DLG2: variants seen among roughly 807,000 people sequenced by gnomAD.
DLG2 encodes the protein disks large homolog 2.
Under a neutral mutation model 132.5 loss-of-function variants are expected in DLG2, and 45 were observed. The observed-to-expected ratio is 0.34, with a 90% CI of 0.27 to 0.44. The LOEUF (loss-of-function observed/expected upper bound fraction) is 0.44. Among genes scored for constraint, DLG2 ranks in the 20% least tolerant of loss-of-function variants. DLG2 has a pLI of 1.00. For missense variants in DLG2, 1,045 were observed against 1,196.9 expected, an observed-to-expected ratio of 0.87 and a Z score of 1.87; for synonymous variants, 424 against 419.6, an observed-to-expected ratio of 1.01 and a Z score of -0.13.
chr11:85,218,575 ATGAGGC>A (rs2082777354), intron 4 of DLG2, among the ~76,000 whole-genome samples: 1 of 152,116 alleles, frequency 6.6e-6, no homozygotes, highest in Admixed American at 6.6e-5. Context: ...ACAGATGATG[ATGAGGC>A]TGTGGAGAAA....
At chr11:83,604,301 T>A (rs2059008373) in intron 19 of DLG2, among the ~76,000 whole-genome samples, 1 of 152,218 alleles carries the variant, frequency 6.6e-6, no homozygotes, top group South Asian at 2.1e-4. Context: ...AGTGTGTTTA[T>A]CATCCAGCCA....
At chr11:83,714,999 T>C (rs933382354) in intron 18 of DLG2, among the ~76,000 whole-genome samples, 8 of 152,204 alleles carry the variant, frequency 5.3e-5, no homozygotes, top group Non-Finnish European at 1.2e-4. Context: ...TAGCAAAGTC[T>C]TGGGACCAAC....
chr11:85,121,838 A>G (rs763472943), intron 5 of DLG2, among the ~76,000 whole-genome samples: 9 of 152,206 alleles, frequency 5.9e-5, no homozygotes, highest in Non-Finnish European at 1.0e-4. Flanking sequence ...CATTATATAT[A>G]CACATGTACA....
chr11:83,611,783 G>A (rs1196803517), intron 19 of DLG2, among the ~76,000 whole-genome samples: 1 of 152,188 alleles, frequency 6.6e-6, no homozygotes, highest in East Asian at 1.9e-4. Context: ...TGAACTGAAG[G>A]ACGGGAACAG....
At chr11:84,905,841 G>A (rs1234645113) in intron 6 of DLG2, among the ~76,000 whole-genome samples, 2 of 152,012 alleles carry the variant, frequency 1.3e-5, no homozygotes, top group Admixed American at 1.3e-4. Flanking sequence ...TGAGCCATTT[G>A]ACCTTTAGAC....
chr11:83,484,844 G>A (rs1289835599), intron 21 of DLG2, among the ~76,000 whole-genome samples: 1 of 152,108 alleles, frequency 6.6e-6, no homozygotes, highest in Non-Finnish European at 1.5e-5. Context: ...ATTACAGACT[G>A]ACACATGAAT....
intron 7 of DLG2, among the ~76,000 whole-genome samples, chr11:84,498,438 C>A (rs2099191813): frequency 6.6e-6 from 1 of 152,086 alleles, no homozygotes; most frequent in Admixed American, 6.6e-5. Flanking sequence ...ATGTCACCAC[C>A]ACCCCCACCA....
intron 14 of DLG2, among the ~76,000 whole-genome samples, chr11:83,944,117 A>AT (rs111866400): frequency 0.047 from 7,147 of 152,222 alleles, 202 homozygotes; most frequent in East Asian, 0.15. Flanking sequence ...CGTCTTGGAG[A>AT]TGCGTGTATG....
At chr11:83,528,280 A>C (rs1485531281) in intron 21 of DLG2, among the ~76,000 whole-genome samples, 1 of 152,192 alleles carries the variant, frequency 6.6e-6, no homozygotes, top group Non-Finnish European at 1.5e-5. Context: ...CTTTCAAATG[A>C]AGAACCTCAG....
chr11:84,238,841 G>C (rs2097191926), intron 8 of DLG2, among the ~76,000 whole-genome samples: 1 of 151,926 alleles, frequency 6.6e-6, no homozygotes, highest in Non-Finnish European at 1.5e-5. Flanking sequence ...ATCTATGACT[G>C]CCTACATTTT....
intron 3 of DLG2, among the ~76,000 whole-genome samples, chr11:85,464,725 C>T (rs1366922746): frequency 6.6e-6 from 1 of 151,704 alleles, no homozygotes; most frequent in Non-Finnish European, 1.5e-5. Flanking sequence ...ATGTTGTGGC[C>T]TTTCATTAGA....
At chr11:83,718,919 C>T (rs1224305190) in intron 18 of DLG2, among the ~76,000 whole-genome samples, 1 of 152,198 alleles carries the variant, frequency 6.6e-6, no homozygotes, top group Non-Finnish European at 1.5e-5. Context: ...ACAACTGCAG[C>T]TGGGACTAGT....
chr11:84,981,340 G>T (rs1293796558), intron 6 of DLG2, among the ~76,000 whole-genome samples: 1 of 152,132 alleles, frequency 6.6e-6, no homozygotes, highest in Non-Finnish European at 1.5e-5. Context: ...TTTCCTTGAG[G>T]CTGAGAGTTA....
In DLG2 at chr11:83,919,267, G is replaced by C. The variant is rs1203085016; in HGVS notation, c.1496+11061C>G. 4.6e-5 allele frequency among the ~76,000 whole-genome samples: 7 copies of C among 152,116 alleles called. No homozygotes were observed. In the East Asian group the frequency reaches 1.4e-3, roughly 29 times the overall value. On this transcript the variant is annotated intron_variant, in intron 15 of 27. Coordinates refer to ENST00000376104, the MANE Select transcript of DLG2 (RefSeq NM_001142699.3). ...TAGCTTAGGGTCTACAGGTACCATA[G>C]GCCCTGTACTATTTCACTGATGGTG...
At chr11:84,337,540 T>C (rs2098492348) in intron 7 of DLG2, among the ~76,000 whole-genome samples, 1 of 152,222 alleles carries the variant, frequency 6.6e-6, no homozygotes. Flanking sequence ...TACTTCTTAT[T>C]TTTAATCTGC....
intron 16 of DLG2, among the ~76,000 whole-genome samples, chr11:83,861,086 G>A (rs190525624): frequency 2.2e-4 from 34 of 152,222 alleles, no homozygotes; most frequent in Middle Eastern, 3.4e-3. Context: ...ACTAATATAT[G>A]CCATGAATTA....
chr11:83,741,038 A>T (rs2092465456), intron 18 of DLG2, among the ~76,000 whole-genome samples: 1 of 152,214 alleles, frequency 6.6e-6, no homozygotes, highest in African/African-American at 2.4e-5. Flanking sequence ...AAACAGAATC[A>T]AAAGCAAAAA....
At chr11:84,233,819 C>T (rs561312757) in intron 8 of DLG2, among the ~76,000 whole-genome samples, 2 of 152,312 alleles carry the variant, frequency 1.3e-5, no homozygotes, top group Admixed American at 6.5e-5. Flanking sequence ...CTCAATCTCA[C>T]TTTTTGTGCG....
intron 3 of DLG2, among the ~76,000 whole-genome samples, chr11:85,555,781 C>T (rs1234443948): frequency 6.6e-6 from 1 of 151,828 alleles, no homozygotes; most frequent in Non-Finnish European, 1.5e-5. Context: ...TGTTCACAGG[C>T]CCCTCATTTT....
Sources: gnomAD v4.1 joint callset for allele counts (sites outside exome capture counted in the v4.1 genomes callset) on GRCh38, gnomAD v4.1.1 for gene constraint, MANE v1.5 for transcripts, NCBI Gene and HGNC (gene_info 2026-07-23, HGNC 2026-07-21) for gene names.